IFTAP: variants seen among roughly 807,000 people sequenced by gnomAD.
IFTAP encodes intraflagellar transport associated protein.
IFTAP carries 19 observed loss-of-function variants against 19.4 expected under a neutral mutation model. That is an observed-to-expected ratio of 0.98 (90% CI 0.68 to 1.44). IFTAP has a LOEUF of 1.44. IFTAP is among the 40% of genes most tolerant of loss of function. The pLI, the probability that IFTAP is intolerant of heterozygous loss-of-function variation, is 0.00. For synonymous variants in IFTAP, 85 were observed against 83.5 expected (o/e 1.02, Z -0.10); for missense variants, 240 against 253.6 (o/e 0.95, Z 0.36).
At chr11:36,626,409 A>G (rs772300371) in intron 2 of IFTAP, among the ~76,000 whole-genome samples, 1 of 151,392 alleles carries the variant, frequency 6.6e-6, no homozygotes, top group Admixed American at 6.6e-5. Flanking sequence ...GCCATGTCAT[A>G]TAATTTTCTT....
intron 1 of IFTAP, among the ~76,000 whole-genome samples, chr11:36,603,050 A>G (rs775506459): frequency 3.3e-5 from 5 of 152,190 alleles, no homozygotes; most frequent in Non-Finnish European, 7.3e-5. Context: ...GTAATTGAAA[A>G]CAATCTAATA....
At chr11:36,656,533 G>A (rs1853996124) in intron 5 of IFTAP, among the ~76,000 whole-genome samples, 1 of 151,996 alleles carries the variant, frequency 6.6e-6, no homozygotes, top group African/African-American at 2.4e-5. Flanking sequence ...TCATGCCACT[G>A]CACTCCTGCC....
intron 2 of IFTAP, among the ~76,000 whole-genome samples, chr11:36,628,449 T>A (rs1358769901): frequency 6.6e-6 from 1 of 151,276 alleles, no homozygotes; most frequent in Non-Finnish European, 1.5e-5. Flanking sequence ...GATTTTACCA[T>A]TCTTTGTGTT....
At chr11:36,607,834 T>C (rs1165319346) in intron 1 of IFTAP, among the ~76,000 whole-genome samples, 1 of 152,122 alleles carries the variant, frequency 6.6e-6, no homozygotes. Flanking sequence ...CCACCATGCC[T>C]GGCTAATTTT....
intron 5 of IFTAP, among the ~76,000 whole-genome samples, chr11:36,650,884 C>G (rs1853694929): frequency 1.3e-5 from 2 of 152,256 alleles, no homozygotes; most frequent in South Asian, 4.1e-4. Context: ...AGGACATGAA[C>G]TCATCATTTT....
At chr11:36,643,027 G>T (rs1853301131) in intron 4 of IFTAP, among the ~76,000 whole-genome samples, 1 of 152,160 alleles carries the variant, frequency 6.6e-6, no homozygotes, top group African/African-American at 2.4e-5. Context: ...GCAGGAGAAA[G>T]AAATAAAGGG....
intron 5 of IFTAP, among the ~76,000 whole-genome samples, chr11:36,651,059 G>C (rs942833768): frequency 6.6e-6 from 1 of 152,132 alleles, no homozygotes; most frequent in Non-Finnish European, 1.5e-5. Context: ...ATAATCCTTT[G>C]GGTATATACC....
intron 5 of IFTAP, among the ~76,000 whole-genome samples, chr11:36,651,852 G>A (rs1399953143): frequency 6.6e-6 from 1 of 152,036 alleles, no homozygotes; most frequent in Admixed American, 6.6e-5. Flanking sequence ...TGTCAAAGAT[G>A]AGATGGTTGT....
intron 2 of IFTAP, among the ~76,000 whole-genome samples, chr11:36,627,789 C>T (rs1329011054): frequency 6.6e-6 from 1 of 150,836 alleles, no homozygotes; most frequent in Non-Finnish European, 1.5e-5. Context: ...CTGTTTTCTA[C>T]TTGACAGGTT....
chr11:36,638,961 G>A (rs1853079068), intron 4 of IFTAP, among the ~76,000 whole-genome samples: 1 of 152,202 alleles, frequency 6.6e-6, no homozygotes, highest in Admixed American at 6.5e-5. Context: ...GTATTAAGCA[G>A]TTTTCTGAGG....
intron 2 of IFTAP, among the ~76,000 whole-genome samples, chr11:36,623,663 C>T (rs1466097106): frequency 1.3e-5 from 2 of 152,154 alleles, no homozygotes; most frequent in African/African-American, 4.8e-5. Context: ...CTGTCTATTG[C>T]TGCCAGAACT....
chr11:36,594,748 G>C (rs1851137152), intron 1 of IFTAP, 156 bp downstream of exon 1: 1 of 155,852 alleles, frequency 6.4e-6, no homozygotes, highest in Non-Finnish European at 1.4e-5. Flanking sequence ...CCTCTCCTGG[G>C]GACTTTTGAA....
At chr11:36,651,489 C>G (rs906996091) in intron 5 of IFTAP, among the ~76,000 whole-genome samples, 1 of 151,992 alleles carries the variant, frequency 6.6e-6, no homozygotes, top group Non-Finnish European at 1.5e-5. Context: ...AAATTTTCTC[C>G]CATTCTGTAG....
At chr11:36,632,225 C>T (rs1314886456) in intron 2 of IFTAP, among the ~76,000 whole-genome samples, 2 of 151,008 alleles carry the variant, frequency 1.3e-5, no homozygotes, top group Non-Finnish European at 2.9e-5. Context: ...ATGAGATGCT[C>T]ACAAAAGAGT....
intron 5 of IFTAP, among the ~76,000 whole-genome samples, chr11:36,655,571 A>G (rs958136509): frequency 1.3e-5 from 2 of 152,198 alleles, no homozygotes; most frequent in African/African-American, 4.8e-5. Context: ...TATCTCAATG[A>G]TTGCAGGAGG....
In IFTAP at chr11:36,634,042, T is replaced by A. The variant is rs1429047091; in HGVS notation, c.291+604T>A. On this transcript the variant is annotated intron_variant, in intron 3 of 5. Coordinates refer to ENST00000334307, the MANE Select transcript of IFTAP (RefSeq NM_138787.4). The stretch of plus-strand genomic sequence containing the variant: ...ATTGTGGACAGAATTGTATATTGTG[T>A]TTTTTTCTAACAAGGGAACAAAAAT... Among the ~76,000 whole-genome samples, 3 of 152,206 alleles carry A rather than the reference T, an allele frequency of 2.0e-5. No individual in the cohort carries two copies. The East Asian group carries it at 5.8e-4, about 29-fold the overall frequency.
At chr11:36,610,598 C>G (rs1176271171) in intron 2 of IFTAP, among the ~76,000 whole-genome samples, 3 of 152,112 alleles carry the variant, frequency 2.0e-5, no homozygotes, top group Admixed American at 1.3e-4. Flanking sequence ...ATAGTATAGA[C>G]TATGGGATTA....
chr11:36,604,846 C>T (rs1851635542), intron 1 of IFTAP, among the ~76,000 whole-genome samples: 1 of 152,030 alleles, frequency 6.6e-6, no homozygotes, highest in African/African-American at 2.4e-5. Flanking sequence ...AGATAACCTT[C>T]AGGTTTCTCT....
At chr11:36,633,034 C>T (rs1014903242) in intron 2 of IFTAP, among the ~76,000 whole-genome samples, 11 of 151,072 alleles carry the variant, frequency 7.3e-5, no homozygotes, top group Admixed American at 1.3e-4. Context: ...TTTTTAACAG[C>T]GACCAAGAAC....
Sources: gnomAD v4.1 joint callset for allele counts (sites outside exome capture counted in the v4.1 genomes callset) on GRCh38, gnomAD v4.1.1 for gene constraint, MANE v1.5 for transcripts, NCBI Gene and HGNC (gene_info 2026-07-23, HGNC 2026-07-21) for gene names.